Variants in DACH2 observed in about 807,000 individuals in gnomAD.
The protein encoded by DACH2 is dachshund homolog 2.
A neutral mutation model predicts 35.8 loss-of-function variants in DACH2; 17 were observed. The observed-to-expected ratio is 0.48, with a 90% confidence interval of 0.33 to 0.71. DACH2 has a LOEUF of 0.71. Among genes scored for constraint, DACH2 ranks in the 30% least tolerant of loss-of-function variants. DACH2 has a pLI of 0.02. For synonymous variants in DACH2, 195 were observed against 177.3 expected, an observed-to-expected ratio of 1.10 and a Z score of -0.79; for missense variants, 469 against 472.7, an observed-to-expected ratio of 0.99 and a Z score of 0.07.
At chrX:86,522,764 T>G (rs2038575919) in intron 3 of DACH2, among the ~76,000 whole-genome samples, 1 of 112,006 alleles carries the variant, frequency 8.9e-6, no homozygotes, top group Admixed American at 9.5e-5. Context: ...TAGCTCATTC[T>G]GATATAAGTA....
intron 2 of DACH2, among the ~76,000 whole-genome samples, chrX:86,431,491 A>G (rs1326622637): frequency 9.0e-6 from 1 of 111,574 alleles, no homozygotes; most frequent in Non-Finnish European, 1.9e-5. Flanking sequence ...CTTATATCTG[A>G]TGGAGAGCAT....
chrX:86,474,603 T>C (rs1440185921), intron 2 of DACH2, among the ~76,000 whole-genome samples: 1 of 112,498 alleles, frequency 8.9e-6, no homozygotes, highest in Admixed American at 9.4e-5. Context: ...CCAGCACTAT[T>C]ATTTGAACTA....
intron 1 of DACH2, among the ~76,000 whole-genome samples, chrX:86,223,264 C>G (rs2032753267): frequency 8.9e-6 from 1 of 111,875 alleles, no homozygotes; most frequent in Non-Finnish European, 1.9e-5. Context: ...AGTGTAATCA[C>G]ATTGCTAGCT....
intron 1 of DACH2, among the ~76,000 whole-genome samples, chrX:86,364,651 C>T (rs1442832291): frequency 1.8e-5 from 2 of 111,541 alleles, no homozygotes; most frequent in African/African-American, 6.5e-5. Context: ...CAATCATCTC[C>T]ATTAGCAGTA....
chrX:86,190,672 C>T (rs764388189), intron 1 of DACH2, among the ~76,000 whole-genome samples: 47 of 112,039 alleles, frequency 4.2e-4, no homozygotes, highest in Non-Finnish European at 4.5e-4. Flanking sequence ...AGGCCAGGCG[C>T]GGTGGCTCAC....
chrX:86,348,808 T>C (rs747691815), intron 1 of DACH2, among the ~76,000 whole-genome samples: 77 of 112,628 alleles, frequency 6.8e-4, no homozygotes, highest in African/African-American at 2.3e-3. Flanking sequence ...GTTCCCTTGT[T>C]CCCCTCTCAG....
At chrX:86,224,363 G>A (rs1279833551) in intron 1 of DACH2, among the ~76,000 whole-genome samples, 1 of 111,529 alleles carries the variant, frequency 9.0e-6, no homozygotes, top group East Asian at 2.8e-4. Flanking sequence ...CTATCTCTTA[G>A]CTGAAAAGCA....
intron 1 of DACH2, among the ~76,000 whole-genome samples, chrX:86,276,484 GT>G (rs1343241028): frequency 9.0e-6 from 1 of 111,373 alleles, no homozygotes; most frequent in Non-Finnish European, 1.9e-5. Context: ...TGTGAGTAGT[GT>G]TTTCATTTTG....
chrX:86,625,867 AC>A (rs2040131246), intron 3 of DACH2, among the ~76,000 whole-genome samples: 1 of 111,501 alleles, frequency 9.0e-6, no homozygotes, highest in African/African-American at 3.3e-5. Context: ...CTTCCCCATG[AC>A]ATGTGGGGAT....
chrX:86,574,291 G>A (rs958570131), intron 3 of DACH2, among the ~76,000 whole-genome samples: 8 of 111,007 alleles, frequency 7.2e-5, no homozygotes, highest in African/African-American at 2.0e-4. Context: ...GTCTTCTTTA[G>A]TAGCTATATA....
chrX:86,434,435 A>G (rs920322337), intron 2 of DACH2, among the ~76,000 whole-genome samples: 1 of 111,977 alleles, frequency 8.9e-6, no homozygotes, highest in East Asian at 2.8e-4. Context: ...TATTTTCTCA[A>G]TCTATCTCAG....
intron 1 of DACH2, among the ~76,000 whole-genome samples, chrX:86,330,593 A>C (rs1251502658): frequency 9.0e-6 from 1 of 111,667 alleles, no homozygotes; most frequent in African/African-American, 3.2e-5. Flanking sequence ...AATAATAATA[A>C]TTTTAAAAAC....
At chrX:86,149,366 C>T (rs1390935198) in intron 1 of DACH2, among the ~76,000 whole-genome samples, 4 of 112,344 alleles carry the variant, frequency 3.6e-5, no homozygotes, top group Non-Finnish European at 7.5e-5. Context: ...TGAAACTTTC[C>T]AGCCTTTTGC....
chrX:86,394,188 T>C (rs1220167841), intron 2 of DACH2, among the ~76,000 whole-genome samples: 1 of 110,055 alleles, frequency 9.1e-6, no homozygotes, highest in Non-Finnish European at 1.9e-5. Context: ...TACGTTATGA[T>C]CCCTGTTATA....
At chrX:86,453,295 GT>G (rs753192592) in intron 2 of DACH2, among the ~76,000 whole-genome samples, 71 of 112,094 alleles carry the variant, frequency 6.3e-4, no homozygotes, top group African/African-American at 2.1e-3. Context: ...ATATTTTGCT[GT>G]TTTCGGGTGG....
At chrX:86,184,681 A>G (rs1385945307) in intron 1 of DACH2, among the ~76,000 whole-genome samples, 2 of 111,813 alleles carry the variant, frequency 1.8e-5, no homozygotes, top group Non-Finnish European at 3.8e-5. Context: ...TTTATTATTT[A>G]CACAAAATAT....
chrX:86,430,206 G>A (rs958333542), intron 2 of DACH2, among the ~76,000 whole-genome samples: 12 of 112,098 alleles, frequency 1.1e-4, no homozygotes, highest in African/African-American at 2.9e-4. Flanking sequence ...GTATTGTGAA[G>A]CTTTAAACCT....
At chrX:86,470,661 G>A (rs746692423) in intron 2 of DACH2, among the ~76,000 whole-genome samples, 1 of 110,891 alleles carries the variant, frequency 9.0e-6, no homozygotes, top group African/African-American at 3.3e-5. Context: ...GTGGGTGAGG[G>A]ATGAGAAATT....
intron 7 of DACH2, among the ~76,000 whole-genome samples, chrX:86,753,822 A>G (rs376102526): frequency 9.0e-6 from 1 of 110,720 alleles, no homozygotes; most frequent in African/African-American, 3.3e-5. Flanking sequence ...GGTCCTGTCT[A>G]TATTAATGGG....
Sources: gnomAD v4.1 joint callset for allele counts (sites outside exome capture counted in the v4.1 genomes callset) on GRCh38, gnomAD v4.1.1 for gene constraint, MANE v1.5 for transcripts, NCBI Gene and HGNC (gene_info 2026-07-23, HGNC 2026-07-21) for gene names.